Variants in ASCC3 observed in about 807,000 individuals in gnomAD.
ASCC3 encodes activating signal cointegrator 1 complex subunit 3, also known as ASC-1 complex subunit P200.
A neutral mutation model predicts 256.3 loss-of-function variants in ASCC3; 158 were observed. The observed-to-expected ratio is 0.62, with a 90% confidence interval of 0.54 to 0.70. The LOEUF (loss-of-function observed/expected upper bound fraction) is 0.70. Among genes scored for constraint, ASCC3 ranks in the 30% least tolerant of loss-of-function variants. The pLI is 0.00. For missense variants in ASCC3, 2,259 were observed against 2,626.0 expected, an observed-to-expected ratio of 0.86 and a Z score of 3.05; for synonymous variants, 948 against 883.4, an observed-to-expected ratio of 1.07 and a Z score of -1.30.
intron 4 of ASCC3, among the ~76,000 whole-genome samples, chr6:100,838,199 G>A (rs1018377183): frequency 5.3e-5 from 8 of 151,972 alleles, no homozygotes; most frequent in Non-Finnish European, 1.2e-4. Context: ...GAGATATGAT[G>A]CAATTTTAGA....
chr6:100,626,629 T>C (rs1774251466), intron 29 of ASCC3, among the ~76,000 whole-genome samples: 2 of 152,096 alleles, frequency 1.3e-5, no homozygotes, highest in Non-Finnish European at 2.9e-5. Flanking sequence ...ACAATATATA[T>C]TATGAAAAAT....
At position 100,880,833 on chromosome 6, in the gene ASCC3, T is replaced by G. The variant is rs116493639; in HGVS notation, c.-42+228A>C. Among the ~76,000 whole-genome samples, 503 of 152,322 alleles carry G rather than the reference T, an allele frequency of 3.3e-3. 2 individuals carry two copies. The highest frequency in any genetic ancestry group is 0.011 in the African/African-American group (477 of 41,568). ...GGACAATATGTAGCTTAGGTTAAGT[T>G]TTCTATCCCCAACCCCACCTACAAA... On this transcript the variant is annotated intron_variant, in intron 1 of 41. Transcript: ENST00000369162.
chr6:100,830,899 A>G (rs1771588361), intron 4 of ASCC3, among the ~76,000 whole-genome samples: 1 of 152,212 alleles, frequency 6.6e-6, no homozygotes, highest in Non-Finnish European at 1.5e-5. Context: ...ATAAGTAAGT[A>G]TGATTTCTTG....
At chr6:100,832,383 T>A (rs1771664103) in intron 4 of ASCC3, among the ~76,000 whole-genome samples, 1 of 152,122 alleles carries the variant, frequency 6.6e-6, no homozygotes, top group African/African-American at 2.4e-5. Flanking sequence ...GAAAAAAATT[T>A]AAACACTTTA....
At chr6:100,713,827 C>T (rs1489186760) in intron 13 of ASCC3, among the ~76,000 whole-genome samples, 1 of 152,106 alleles carries the variant, frequency 6.6e-6, no homozygotes, top group Non-Finnish European at 1.5e-5. Flanking sequence ...CCTTAGCTAA[C>T]AATATAGTTT....
intron 3 of ASCC3, among the ~76,000 whole-genome samples, chr6:100,851,607 C>T (rs553598786): frequency 6.6e-6 from 1 of 152,234 alleles, no homozygotes; most frequent in Non-Finnish European, 1.5e-5. Context: ...TCAAAAATCA[C>T]AAATACTTAA....
intron 16 of ASCC3, among the ~76,000 whole-genome samples, chr6:100,661,533 T>A (rs1417961663): frequency 6.6e-6 from 1 of 151,962 alleles, no homozygotes. Context: ...TCTGTTTCCA[T>A]ATTTTCTATA....
At chr6:100,783,830 C>T (rs1001103430) in intron 8 of ASCC3, among the ~76,000 whole-genome samples, 1 of 151,522 alleles carries the variant, frequency 6.6e-6, no homozygotes, top group Non-Finnish European at 1.5e-5. Flanking sequence ...ATCTATTTAG[C>T]AACCATTTTT....
At position 100,580,605 on chromosome 6, in the gene ASCC3, A is replaced by G. The variant is rs190114022; in HGVS notation, c.5550+9029T>C. 7.2e-3 allele frequency among the ~76,000 whole-genome samples: 1,085 copies of G among 151,596 alleles called. 11 individuals are homozygous for G. Among genetic ancestry groups the G allele is most frequent in the African/African-American group, 0.024 (1,010 of 41,338 alleles). On this transcript the variant is annotated intron_variant, in intron 36 of 41. Coordinates refer to ENST00000369162, the MANE Select transcript of ASCC3 (RefSeq NM_006828.4). ...ATTATTATTATTATTATTATACTTTAAGTTTTAGGGTACATGTGCACAATG... is the reference window on the plus strand; with the variant it reads ...ATTATTATTATTATTATTATACTTTGAGTTTTAGGGTACATGTGCACAATG...
intron 11 of ASCC3, among the ~76,000 whole-genome samples, chr6:100,722,957 TAA>T (rs1269721172): frequency 6.6e-6 from 1 of 151,708 alleles, no homozygotes; most frequent in African/African-American, 2.4e-5. Context: ...TATTTTGTAT[TAA>T]AAAAAGAGCT....
At chr6:100,521,217 T>G (rs1282825690) in intron 37 of ASCC3, among the ~76,000 whole-genome samples, 1 of 152,086 alleles carries the variant, frequency 6.6e-6, no homozygotes, top group African/African-American at 2.4e-5. Flanking sequence ...AGACCCTAAC[T>G]TTACTTAATA....
chr6:100,857,228 A>ACT (rs1772990046), intron 3 of ASCC3: 1 of 152,034 alleles, frequency 6.6e-6, no homozygotes, highest in African/African-American at 2.4e-5. Context: ...CAAAGCTCTT[A>ACT]CTCATGTTCA....
intron 30 of ASCC3, among the ~76,000 whole-genome samples, chr6:100,616,636 G>A (rs941347066): frequency 3.9e-5 from 6 of 152,022 alleles, no homozygotes; most frequent in African/African-American, 1.4e-4. Flanking sequence ...TACCTTTCCT[G>A]CTTCAGATTT....
intron 1 of ASCC3, among the ~76,000 whole-genome samples, chr6:100,869,770 A>G (rs923727436): frequency 6.6e-6 from 1 of 152,228 alleles, no homozygotes; most frequent in African/African-American, 2.4e-5. Context: ...CTAGTGCTAC[A>G]CTGAAAACAT....
chr6:100,796,801 TATAGTTTCAC>T (rs1170962283), intron 8 of ASCC3, among the ~76,000 whole-genome samples: 1 of 152,164 alleles, frequency 6.6e-6, no homozygotes, highest in Non-Finnish European at 1.5e-5. Context: ...GGCAGACGAA[TATAGTTTCAC>T]CAAAAACTAT....
chr6:100,574,744 T>C lies in ASCC3; in HGVS notation c.5550+14890A>G, dbSNP rs372394378. ...GACAAATTCCAGATAGTATTACAAA[T>C]ACATTTTATGCTTGTCGGAACATAA... On this transcript the variant is annotated intron_variant, in intron 36 of 41. Transcript: ENST00000369162. 1.3e-4 allele frequency among the ~76,000 whole-genome samples: 20 copies of C among 151,622 alleles called. No homozygotes were observed. The South Asian group carries it at 2.1e-3, about 16-fold the overall frequency.
At chr6:100,767,523 T>C (rs2115132828) in intron 8 of ASCC3, among the ~76,000 whole-genome samples, 178 bp from the exon 9 acceptor site, 1 of 152,338 alleles carries the variant, frequency 6.6e-6, no homozygotes, top group East Asian at 1.9e-4. Context: ...AAAAATATTG[T>C]ACAATTCAAG....
intron 8 of ASCC3, among the ~76,000 whole-genome samples, chr6:100,776,284 G>A (rs982499767): frequency 6.6e-6 from 1 of 152,082 alleles, no homozygotes; most frequent in Non-Finnish European, 1.5e-5. Flanking sequence ...AGAGTCTCAT[G>A]ATCATTTATC....
In ASCC3 at chr6:100,650,619, T is replaced by C. The variant is rs1465615423; in HGVS notation, c.3171A>G (p.Ile1057Met). The change falls in exon 20 of 42, where the codon ATA becomes ATG. Residue 1057 changes from isoleucine (I) to methionine (M), a missense_variant. Physicochemically the swap from Ile to Met is conservative, Grantham distance 10 (BLOSUM62 1). Around this residue, in one of 2 missense-constraint regions of ASCC3, gnomAD observed 1,839 missense variants for 2,206.7 expected, o/e 0.83. Coordinates refer to ENST00000369162, the MANE Select transcript of ASCC3 (RefSeq NM_006828.4). ...PGGVENSYGKINILLQTYISR... is the reference protein window; with the variant it reads ...PGGVENSYGKMNILLQTYISR... ...TGATATAAGTTTGAAGTAAGATGTT[T>C]ATTTTCCCATAACTATTCTCTACAC... The C allele has an allele frequency of 2.5e-6, 4 of 1,612,748 alleles. No homozygotes were observed. Among genetic ancestry groups the C allele is most frequent in the Admixed American group, 1.7e-5 (1 of 59,950 alleles).
Sources: allele counts gnomAD v4.1 joint callset (sites outside exome capture counted in the v4.1 genomes callset), GRCh38; gene constraint gnomAD v4.1.1; regional missense constraint gnomAD v4.1.1; transcripts MANE v1.5; gene names NCBI Gene and HGNC (gene_info 2026-07-23, HGNC 2026-07-21).